DNAJC1: variants seen among roughly 807,000 people sequenced by gnomAD.
DNAJC1 encodes DnaJ heat shock protein family (Hsp40) member C1, also known as dnaJ homolog subfamily C member 1.
DNAJC1 carries 58 observed loss-of-function variants against 76.6 expected under a neutral mutation model. That is an observed-to-expected ratio of 0.76 (90% confidence interval 0.61 to 0.94). DNAJC1 has a LOEUF of 0.94. DNAJC1 is among the 40% of genes least tolerant of loss of function. The pLI, the probability that DNAJC1 is intolerant of heterozygous loss-of-function variation, is 0.00. For synonymous variants in DNAJC1, 258 were observed against 267.9 expected (o/e 0.96, Z 0.36); for missense variants, 689 against 677.3 (o/e 1.02, Z -0.19).
In DNAJC1 at chr10:21,881,844, T is replaced by TAAA. The variant is rs1002377641; in HGVS notation, c.978+435_978+437dup. Among the ~76,000 whole-genome samples the TAAA allele has an allele frequency of 3.4e-4, 19 of 55,410 alleles. 1 individual carries two copies. The highest frequency in any genetic ancestry group is 1.5e-3 in the East Asian group (3 of 1,942). 36.4% of individuals were successfully genotyped at this position (55,410 alleles called of 152,430 possible). On this transcript the variant is annotated intron_variant, in intron 8 of 11. Coordinates refer to ENST00000376980, the MANE Select transcript of DNAJC1 (RefSeq NM_022365.4). ...AGGGCTGCCACAAACCCTCAATTTG[T>TAAA]AAAAAAAAAAAAAAAAAAAAAAAAA...
At chr10:22,001,787 A>G (rs1308037276) in intron 1 of DNAJC1, among the ~76,000 whole-genome samples, 1 of 152,234 alleles carries the variant, frequency 6.6e-6, no homozygotes. Flanking sequence ...TACAGAATGT[A>G]ATCAATGATA....
chr10:21,847,001 A>G (rs1335465192), intron 8 of DNAJC1, among the ~76,000 whole-genome samples: 1 of 152,046 alleles, frequency 6.6e-6, no homozygotes, highest in Non-Finnish European at 1.5e-5. Flanking sequence ...ATAAAGAGAT[A>G]AACATTTTTC....
chr10:21,961,077 A>G (rs1837783194), intron 1 of DNAJC1, among the ~76,000 whole-genome samples: 1 of 152,232 alleles, frequency 6.6e-6, no homozygotes, highest in Non-Finnish European at 1.5e-5. Context: ...AAGGAAAATA[A>G]TGTGTTTTTG....
At chr10:21,900,810 T>C (rs996196498) in intron 7 of DNAJC1, among the ~76,000 whole-genome samples, 1 of 152,190 alleles carries the variant, frequency 6.6e-6, no homozygotes, top group Non-Finnish European at 1.5e-5. Flanking sequence ...AGAGAGTATA[T>C]TCCCATCCGT....
Position 21,840,143 on chromosome 10 carries a change from T to C in DNAJC1, c.979-34044A>G, listed in dbSNP as rs192492678. On this transcript the variant is annotated intron_variant, in intron 8 of 11. Transcript: ENST00000376980. ...ATCTATGACAAACTCACAGCCAATATCATACCGAATGGGCAAAAACTGGAA... is the reference window on the plus strand; with the variant it reads ...ATCTATGACAAACTCACAGCCAATACCATACCGAATGGGCAAAAACTGGAA... 3.2e-3 allele frequency among the ~76,000 whole-genome samples: 486 copies of C among 152,270 alleles called. 2 individuals are homozygous for C. Among genetic ancestry groups the C allele is most frequent in the African/African-American group, 0.011 (470 of 41,544 alleles).
chr10:21,816,998 CAA>C (rs1311280128), intron 8 of DNAJC1, among the ~76,000 whole-genome samples: 3 of 128,120 alleles, frequency 2.3e-5, no homozygotes, highest in Admixed American at 7.9e-5. Context: ...ACTAAAAATA[CAA>C]AAAAAAAAAA....
intron 1 of DNAJC1, among the ~76,000 whole-genome samples, chr10:21,959,514 A>G (rs1304520003): frequency 1.3e-5 from 2 of 152,070 alleles, no homozygotes; most frequent in Non-Finnish European, 2.9e-5. Context: ...AATCCGGCCA[A>G]GCACTGTGGC....
At chr10:21,922,507 G>A (rs1366672418) in intron 3 of DNAJC1, among the ~76,000 whole-genome samples, 1 of 151,960 alleles carries the variant, frequency 6.6e-6, no homozygotes, top group African/African-American at 2.4e-5. Flanking sequence ...TGGTTTGGCA[G>A]TAGCTACACC....
intron 1 of DNAJC1, among the ~76,000 whole-genome samples, chr10:21,989,869 G>A (rs1179330241): frequency 6.6e-6 from 1 of 152,146 alleles, no homozygotes; most frequent in Non-Finnish European, 1.5e-5. Flanking sequence ...AGGGAGAGGT[G>A]AAGAGAGAGG....
intron 8 of DNAJC1, among the ~76,000 whole-genome samples, chr10:21,816,835 A>G (rs1589993339): frequency 8.0e-6 from 1 of 124,520 alleles, no homozygotes; most frequent in Non-Finnish European, 1.7e-5. Flanking sequence ...ATAAGCCACC[A>G]CGCCCGGCCG....
At chr10:21,831,512 C>T (rs978350667) in intron 8 of DNAJC1, among the ~76,000 whole-genome samples, 6 of 152,032 alleles carry the variant, frequency 3.9e-5, no homozygotes, top group Admixed American at 1.3e-4. Flanking sequence ...TTAATCTGGC[C>T]GGGTGCAGTG....
intron 6 of DNAJC1, among the ~76,000 whole-genome samples, chr10:21,905,705 C>A (rs1423194194): frequency 6.6e-6 from 1 of 152,140 alleles, no homozygotes. Flanking sequence ...AGCACAGTAT[C>A]TGCCATAAAG....
At chr10:21,788,040 C>T (rs552580461) in intron 9 of DNAJC1, among the ~76,000 whole-genome samples, 1 of 152,238 alleles carries the variant, frequency 6.6e-6, no homozygotes, top group Non-Finnish European at 1.5e-5. Context: ...CTGACATCCA[C>T]AAGTGGCTCA....
chr10:21,797,807 G>A (rs191537877), intron 9 of DNAJC1, among the ~76,000 whole-genome samples: 3 of 152,246 alleles, frequency 2.0e-5, no homozygotes, highest in African/African-American at 4.8e-5. Context: ...CTTGCCAGAC[G>A]TGGGCCCCTT....
chr10:21,919,712 T>G, intron 5 of DNAJC1, 120 bp downstream of exon 5: 1 of 620,276 alleles, frequency 1.6e-6, no homozygotes, highest in East Asian at 2.8e-5. Flanking sequence ...TAGTCTTTTA[T>G]AAGACTACCA....
At chr10:21,958,206 T>G (rs1257673349) in intron 1 of DNAJC1, among the ~76,000 whole-genome samples, 1 of 152,160 alleles carries the variant, frequency 6.6e-6, no homozygotes, top group African/African-American at 2.4e-5. Flanking sequence ...TAATAAAATT[T>G]TAATCCAAAT....
intron 6 of DNAJC1, among the ~76,000 whole-genome samples, chr10:21,908,190 A>T: frequency 9.7e-6 from 1 of 102,632 alleles, no homozygotes; most frequent in Non-Finnish European, 1.8e-5. Flanking sequence ...ATATAAAAAT[A>T]TATATTATAT....
intron 8 of DNAJC1, among the ~76,000 whole-genome samples, chr10:21,863,073 A>C (rs1835942538): frequency 6.6e-6 from 1 of 152,128 alleles, no homozygotes; most frequent in Non-Finnish European, 1.5e-5. Flanking sequence ...CGGAGGTTGC[A>C]GTGTGCCGAG....
intron 8 of DNAJC1, among the ~76,000 whole-genome samples, chr10:21,874,444 AAAAG>A (rs1304189153): frequency 2.7e-4 from 41 of 152,152 alleles, no homozygotes; most frequent in African/African-American, 8.9e-4. Flanking sequence ...AAAAAAAAAA[AAAAG>A]AGAGAGATGA....
Sources: allele counts gnomAD v4.1 joint callset (sites outside exome capture counted in the v4.1 genomes callset), GRCh38; gene constraint gnomAD v4.1.1; transcripts MANE v1.5; gene names NCBI Gene and HGNC (gene_info 2026-07-23, HGNC 2026-07-21).